The following PAPPA2 variants were observed in gnomAD, a reference collection of about 807,000 sequenced individuals.
The protein encoded by PAPPA2 is pappalysin-2.
In PAPPA2, 86 loss-of-function variants were observed where a neutral mutation model predicts 176.4. The ratio of observed to expected loss-of-function variants is 0.49; its 90% confidence interval spans 0.41 to 0.58. The LOEUF (loss-of-function observed/expected upper bound fraction) is 0.58. Ranked by LOEUF, PAPPA2 falls within the 20% of genes least tolerant of loss-of-function variation. The pLI is 0.00. For synonymous variants in PAPPA2, 809 were observed against 852.2 expected (o/e 0.95, Z 0.88); for missense variants, 2,073 against 2,256.9 (o/e 0.92, Z 1.65).
intron 9 of PAPPA2, 39 bp downstream of exon 9, chr1:176,702,774 TGTGAGAGAGAGA>T (rs752182512): frequency 3.8e-5 from 54 of 1,435,532 alleles, no homozygotes; most frequent in African/African-American, 3.3e-4. Flanking sequence ...TGTGTGTGTG[TGTGAGAGAGAGA>T]GAGAGAGAGA....
intron 14 of PAPPA2, among the ~76,000 whole-genome samples, chr1:176,760,732 G>A (rs1349049697): frequency 6.6e-6 from 1 of 152,192 alleles, no homozygotes; most frequent in Admixed American, 6.5e-5. Flanking sequence ...CCACAGGCAG[G>A]TTCTGTACAA....
chr1:176,511,238 A>G (rs1214625236), intron 1 of PAPPA2, among the ~76,000 whole-genome samples: 3 of 152,202 alleles, frequency 2.0e-5, no homozygotes, highest in African/African-American at 7.2e-5. Flanking sequence ...ATATATTAAT[A>G]TCAGAAAAAA....
intron 6 of PAPPA2, 35 bp from the exon 7 acceptor site, chr1:176,695,703 C>T (rs1344018625): frequency 1.9e-6 from 3 of 1,611,316 alleles, no homozygotes; most frequent in African/African-American, 1.3e-5. Context: ...GATGGACTCT[C>T]CTCATCTCCC....
At chr1:176,653,272 C>T (rs1038483761) in intron 3 of PAPPA2, among the ~76,000 whole-genome samples, 2 of 151,736 alleles carry the variant, frequency 1.3e-5, no homozygotes, top group African/African-American at 4.8e-5. Context: ...GAGGATCATC[C>T]CCATTCCACT....
intron 2 of PAPPA2, among the ~76,000 whole-genome samples, chr1:176,561,149 C>A (rs189756454): frequency 1.3e-5 from 2 of 152,234 alleles, no homozygotes; most frequent in East Asian, 3.9e-4. Context: ...CTTCAGCGAT[C>A]CATTGAGCTT....
chr1:176,601,043 C>G (rs1489222230), intron 3 of PAPPA2, among the ~76,000 whole-genome samples: 1 of 152,168 alleles, frequency 6.6e-6, no homozygotes, highest in East Asian at 1.9e-4. Context: ...GAAATTTAAT[C>G]CCTGAAGCAA....
At chr1:176,624,340 G>T (rs1000730456) in intron 3 of PAPPA2, among the ~76,000 whole-genome samples, 3 of 152,140 alleles carry the variant, frequency 2.0e-5, no homozygotes, top group Admixed American at 2.0e-4. Context: ...GTACTACGGG[G>T]GTTCAGATTT....
intron 3 of PAPPA2, among the ~76,000 whole-genome samples, chr1:176,622,724 G>T (rs1022841728): frequency 6.6e-6 from 1 of 152,260 alleles, no homozygotes; most frequent in Non-Finnish European, 1.5e-5. Context: ...GATATAGTGG[G>T]ACTTTCAAAA....
chr1:176,823,568 T>C lies in PAPPA2; in HGVS notation c.5203-16605T>C, dbSNP rs181796026. ...TTTACCATTACTTTTCTCACTTACA[T>C]TAAGTCTGGTATAACTCTCTAGAGC... On this transcript the variant is annotated intron_variant, in intron 21 of 22. Transcript: ENST00000367662. Among the ~76,000 whole-genome samples, 466 of 152,308 alleles carry C rather than the reference T, an allele frequency of 3.1e-3. 2 individuals carry two copies. Among genetic ancestry groups the C allele is most frequent in the African/African-American group, 0.011 (445 of 41,560 alleles).
intron 6 of PAPPA2, among the ~76,000 whole-genome samples, chr1:176,695,122 T>C (rs556250580): frequency 1.3e-5 from 2 of 152,300 alleles, no homozygotes; most frequent in African/African-American, 4.8e-5. Context: ...GATCTGTTCA[T>C]TGCGCTGGAA....
At chr1:176,777,573 C>T (rs1664517052) in intron 17 of PAPPA2, among the ~76,000 whole-genome samples, 1 of 152,094 alleles carries the variant, frequency 6.6e-6, no homozygotes, top group South Asian at 2.1e-4. Flanking sequence ...TCCTCATTTA[C>T]TGGTTAATTA....
chr1:176,789,958 G>T lies in PAPPA2; in HGVS notation c.4865G>T (p.Cys1622Phe). The change falls in exon 18 of 23, where the codon TGT becomes TTT. Residue 1622 changes from cysteine (C) to phenylalanine (F), a missense_variant. This residue lies in a region of PAPPA2 where 846 missense variants were observed against 857.9 expected (regional missense o/e 0.99). Transcript: ENST00000367662. The stretch of plus-strand genomic sequence containing the variant: ...CTGGACAGCCAGTGTGTGCTCAACT[G>T]TAACCAGGAACGTGAAAAGGTAAGG... ...FSLDSQCVLNCNQEREKLPIL... is the reference protein window; with the variant it reads ...FSLDSQCVLNFNQEREKLPIL... 6.2e-7 allele frequency: 1 copy of T among 1,614,094 alleles called. No individual in the cohort carries two copies. The highest frequency in any genetic ancestry group is 8.5e-7 in the Non-Finnish European group (1 of 1,179,968).
chr1:176,473,516 G>A (rs962193757), intron 1 of PAPPA2, among the ~76,000 whole-genome samples: 10 of 151,974 alleles, frequency 6.6e-5, no homozygotes, highest in African/African-American at 2.4e-4. Flanking sequence ...TTGTGTAGAT[G>A]TAAGTTTTAC....
intron 12 of PAPPA2, among the ~76,000 whole-genome samples, chr1:176,729,091 C>G (rs906388094): frequency 2.0e-5 from 3 of 151,760 alleles, no homozygotes; most frequent in Admixed American, 2.0e-4. Context: ...TGCAAAGATA[C>G]CTTTTCGTTT....
At chr1:176,702,464 C>T (rs999633500) in intron 8 of PAPPA2, 143 bp from the exon 9 acceptor site, 74 of 1,243,592 alleles carry the variant, frequency 6.0e-5, no homozygotes, top group Admixed American at 8.2e-5. Context: ...GTGCCCTGAT[C>T]TTTGTTTTAG....
chr1:176,820,879 A>G (rs1336527294), intron 21 of PAPPA2, among the ~76,000 whole-genome samples: 2 of 152,212 alleles, frequency 1.3e-5, no homozygotes, highest in South Asian at 2.1e-4. Context: ...TAACCCAGGA[A>G]TGTACGATAC....
intron 3 of PAPPA2, among the ~76,000 whole-genome samples, chr1:176,623,111 A>G (rs900437935): frequency 6.6e-6 from 1 of 152,180 alleles, no homozygotes; most frequent in Middle Eastern, 3.2e-3. Flanking sequence ...GGAAATTTGG[A>G]AAGACACATT....
chr1:176,528,373 TA>T (rs1240833871), intron 1 of PAPPA2, among the ~76,000 whole-genome samples: 1 of 152,230 alleles, frequency 6.6e-6, no homozygotes, highest in Non-Finnish European at 1.5e-5. Context: ...GAGCTAGATT[TA>T]ATTTGACTTG....
At chr1:176,708,649 C>G (rs1264153669) in intron 10 of PAPPA2, among the ~76,000 whole-genome samples, 1 of 151,576 alleles carries the variant, frequency 6.6e-6, no homozygotes, top group Admixed American at 6.6e-5. Context: ...GTTGAAAGCC[C>G]AAAATAGACT....
Sources: allele counts gnomAD v4.1 joint callset (sites outside exome capture counted in the v4.1 genomes callset), GRCh38; gene constraint gnomAD v4.1.1; regional missense constraint gnomAD v4.1.1; transcripts MANE v1.5; gene names NCBI Gene and HGNC (gene_info 2026-07-23, HGNC 2026-07-21).